The following TMEM266 variants were observed in gnomAD, a reference collection of about 807,000 sequenced individuals.
The protein encoded by TMEM266 is Hv1 related protein 1.
Under a neutral mutation model 50.5 loss-of-function variants are expected in TMEM266, and 33 were observed. The ratio of observed to expected loss-of-function variants is 0.65; its 90% confidence interval spans 0.50 to 0.87. The LOEUF (loss-of-function observed/expected upper bound fraction) is 0.87, where lower values mean the gene tolerates loss of function less well. Ranked by LOEUF, TMEM266 falls within the 40% of genes least tolerant of loss-of-function variation. The pLI, the probability that TMEM266 is intolerant of heterozygous loss-of-function variation, is 0.00. For synonymous variants in TMEM266, 310 were observed against 292.3 expected, an observed-to-expected ratio of 1.06 and a Z score of -0.62; for missense variants, 655 against 695.1, an observed-to-expected ratio of 0.94 and a Z score of 0.65.
At chr15:76,158,806 A>G (rs1044094363) in intron 4 of TMEM266, among the ~76,000 whole-genome samples, 9 of 152,190 alleles carry the variant, frequency 5.9e-5, no homozygotes, top group African/African-American at 2.2e-4. Context: ...CTCGGAGCTC[A>G]TCTTCTAAGG....
At chr15:76,088,565 G>A (rs1488100986) in intron 1 of TMEM266, among the ~76,000 whole-genome samples, 1 of 152,114 alleles carries the variant, frequency 6.6e-6, no homozygotes, top group Non-Finnish European at 1.5e-5. Flanking sequence ...GGGAGGCCAG[G>A]GTGGGTGGAT....
chr15:76,190,949 C>T (rs1216050188), intron 8 of TMEM266, among the ~76,000 whole-genome samples: 1 of 152,164 alleles, frequency 6.6e-6, no homozygotes, highest in Non-Finnish European at 1.5e-5. Context: ...GCGGTGAAGG[C>T]TCTCCTTCCC....
chr15:76,133,073 G>A (rs1213006507), intron 1 of TMEM266, among the ~76,000 whole-genome samples: 3 of 151,954 alleles, frequency 2.0e-5, no homozygotes, highest in Non-Finnish European at 4.4e-5. Context: ...AGGCTGCAGT[G>A]AGCCAAGATC....
chr15:76,126,386 T>C (rs1445628496), intron 1 of TMEM266, among the ~76,000 whole-genome samples: 2 of 147,636 alleles, frequency 1.4e-5, no homozygotes, highest in African/African-American at 2.5e-5. Context: ...TATATATATA[T>C]ATATATATAT....
intron 6 of TMEM266, 63 bp downstream of exon 6, chr15:76,169,935 T>G: frequency 6.5e-7 from 1 of 1,540,136 alleles, no homozygotes. Flanking sequence ...GAAAACGTCA[T>G]GTCCCATCCA....
intron 6 of TMEM266, among the ~76,000 whole-genome samples, 170 bp downstream of exon 6, chr15:76,170,042 G>A (rs746167663): frequency 6.6e-6 from 1 of 152,094 alleles, no homozygotes; most frequent in Non-Finnish European, 1.5e-5. Flanking sequence ...AACTGAGACT[G>A]TTTCCAGCAA....
At chr15:76,172,497 C>T (rs1388056583) in intron 7 of TMEM266, among the ~76,000 whole-genome samples, 1 of 152,246 alleles carries the variant, frequency 6.6e-6, no homozygotes, top group Non-Finnish European at 1.5e-5. Context: ...TCAGGGTGGG[C>T]TCCCTCTCCC....
At chr15:76,192,477 G>T (rs949413393) in intron 9 of TMEM266, among the ~76,000 whole-genome samples, 2 of 152,172 alleles carry the variant, frequency 1.3e-5, no homozygotes, top group Non-Finnish European at 2.9e-5. Context: ...TGACTTTTCT[G>T]TTGTATGGCT....
chr15:76,160,560 G>A lies in TMEM266; in HGVS notation c.456+392G>A, dbSNP rs148566169. On this transcript the variant is annotated intron_variant, in intron 5 of 10. Transcript: ENST00000388942. The surrounding 1 kb of genome is among the most constrained non-coding windows in gnomAD (Gnocchi z 5.7). The stretch of plus-strand genomic sequence containing the variant: ...GCCCACACAGGGAAGCTCTTGGGCC[G>A]CTGTGGCTGTGGTCTTGGGCCCACA... Among the ~76,000 whole-genome samples the A allele has an allele frequency of 9.4e-3, 1,432 of 152,334 alleles. 13 individuals are homozygous for A. Among genetic ancestry groups the A allele is most frequent in the African/African-American group, 0.033 (1,356 of 41,570 alleles).
intron 5 of TMEM266, among the ~76,000 whole-genome samples, chr15:76,167,628 A>C (rs1189558280): frequency 6.6e-6 from 1 of 151,798 alleles, no homozygotes; most frequent in Non-Finnish European, 1.5e-5. Context: ...CAGCCTTCTG[A>C]GTAGCTGGGA....
chr15:76,138,222 C>CAAAAAA (rs376580547), intron 3 of TMEM266, among the ~76,000 whole-genome samples: 1 of 71,882 alleles, frequency 1.4e-5, no homozygotes, highest in Non-Finnish European at 2.7e-5. Flanking sequence ...AACTCTGTCT[C>CAAAAAA]AAAAAAAAAA....
intron 1 of TMEM266, among the ~76,000 whole-genome samples, chr15:76,107,245 T>G (rs1011077694): frequency 3.3e-5 from 5 of 152,246 alleles, no homozygotes; most frequent in African/African-American, 1.2e-4. Flanking sequence ...TTTGCATTCT[T>G]TCATTCATAC....
intron 3 of TMEM266, among the ~76,000 whole-genome samples, chr15:76,151,843 A>C (rs1171916176): frequency 6.6e-6 from 1 of 152,144 alleles, no homozygotes; most frequent in African/African-American, 2.4e-5. Flanking sequence ...GCGCCAGGTG[A>C]TGCTGCTGCT....
At chr15:76,201,047 G>T (rs904511952) in intron 9 of TMEM266, among the ~76,000 whole-genome samples, 7 of 152,082 alleles carry the variant, frequency 4.6e-5, no homozygotes, top group Non-Finnish European at 7.4e-5. Flanking sequence ...AGCTCCTGGG[G>T]GTGCAGACTC....
At chr15:76,086,933 G>GT (rs66623639) in intron 1 of TMEM266, among the ~76,000 whole-genome samples, 21 of 34,082 alleles carry the variant, frequency 6.2e-4, no homozygotes, top group African/African-American at 1.2e-3. Context: ...CAGGTCGGGG[G>GT]GGGGGCGGTG....
At chr15:76,060,089 G>T (rs532149651) in intron 1 of TMEM266, 73 bp downstream of exon 1, 1 of 145,088 alleles carries the variant, frequency 6.9e-6, no homozygotes, top group Non-Finnish European at 1.5e-5. Context: ...GTCGGGGCGG[G>T]GGGTGGGGGG....
intron 5 of TMEM266, among the ~76,000 whole-genome samples, chr15:76,162,274 G>A (rs982604914): frequency 2.6e-5 from 4 of 152,224 alleles, no homozygotes; most frequent in Non-Finnish European, 4.4e-5. Context: ...TGAATGGAGG[G>A]CCGGTGCATG....
At chr15:76,154,797 G>C (rs1239794253) in intron 3 of TMEM266, among the ~76,000 whole-genome samples, 1 of 152,212 alleles carries the variant, frequency 6.6e-6, no homozygotes, top group East Asian at 1.9e-4. Context: ...AATAAGCCCA[G>C]TGTCCTGCCA....
chr15:76,101,638 T>C (rs1331456640), intron 1 of TMEM266, among the ~76,000 whole-genome samples: 1 of 152,236 alleles, frequency 6.6e-6, no homozygotes, highest in Non-Finnish European at 1.5e-5. Flanking sequence ...GGAAATGCTC[T>C]AACTCCACAA....
Sources: gnomAD v4.1 joint callset for allele counts (sites outside exome capture counted in the v4.1 genomes callset) on GRCh38, gnomAD v4.1.1 for gene constraint, Gnocchi (gnomAD v3.1) non-coding constraint, MANE v1.5 for transcripts, NCBI Gene and HGNC (gene_info 2026-07-23, HGNC 2026-07-21) for gene names.